The following ETV6 variants were observed in gnomAD, a reference collection of about 807,000 sequenced individuals.
ETV6 encodes ETS variant transcription factor 6.
A neutral mutation model predicts 51.1 loss-of-function variants in ETV6; 16 were observed. The ratio of observed to expected loss-of-function variants is 0.31; its 90% confidence interval spans 0.21 to 0.48. The LOEUF (loss-of-function observed/expected upper bound fraction) is 0.48, where lower values mean the gene tolerates loss of function less well. Among genes scored for constraint, ETV6 ranks in the 20% least tolerant of loss-of-function variants. ETV6 has a pLI of 0.99. For synonymous variants in ETV6, 240 were observed against 224.1 expected (o/e 1.07, Z -0.64); for missense variants, 458 against 594.8 (o/e 0.77, Z 2.39).
At chr12:11,853,796 G>A (rs778503184) in intron 4 of ETV6, among the ~76,000 whole-genome samples, 2 of 152,162 alleles carry the variant, frequency 1.3e-5, no homozygotes, top group African/African-American at 2.4e-5. Flanking sequence ...AGTAGGCACC[G>A]TAAAGGTGTG....
chr12:11,830,243 A>G lies in ETV6; in HGVS notation c.164-8897A>G, dbSNP rs566073136. Reference sequence around the variant, plus strand: ...CAGCTAGACCAGGCCTGCCATGAGAAGTTGAGTTTATGGTTTATTATTCCT... The same window carrying G: ...CAGCTAGACCAGGCCTGCCATGAGAGGTTGAGTTTATGGTTTATTATTCCT... On this transcript the variant is annotated intron_variant, in intron 2 of 7. Transcript: ENST00000396373. 3.9e-5 allele frequency among the ~76,000 whole-genome samples: 6 copies of G among 152,298 alleles called. No individual in the cohort carries two copies. The South Asian group carries it at 1.2e-3, about 32-fold the overall frequency.
At chr12:11,723,017 A>G (rs932686098) in intron 1 of ETV6, among the ~76,000 whole-genome samples, 5 of 152,222 alleles carry the variant, frequency 3.3e-5, no homozygotes, top group African/African-American at 1.2e-4. Context: ...GGTGAAACCA[A>G]TGAGAAGCTG....
chr12:11,838,713 C>T (rs894610467), intron 2 of ETV6, among the ~76,000 whole-genome samples: 4 of 152,178 alleles, frequency 2.6e-5, no homozygotes, highest in Non-Finnish European at 4.4e-5. Context: ...AATCTGAGGA[C>T]CCTCCAACCA....
At chr12:11,662,579 A>G (rs1565477204) in intron 1 of ETV6, among the ~76,000 whole-genome samples, 2 of 152,324 alleles carry the variant, frequency 1.3e-5, no homozygotes, top group African/African-American at 4.8e-5. Context: ...AAGGTTCACC[A>G]TGGAGGAGGT....
At chr12:11,812,319 T>A (rs567951714) in intron 2 of ETV6, among the ~76,000 whole-genome samples, 2 of 152,188 alleles carry the variant, frequency 1.3e-5, no homozygotes, top group Admixed American at 6.5e-5. Context: ...CTGTACTATG[T>A]GCTGTTACAC....
chr12:11,676,979 C>T (rs982822386), intron 1 of ETV6, among the ~76,000 whole-genome samples: 4 of 152,218 alleles, frequency 2.6e-5, no homozygotes, highest in East Asian at 3.8e-4. Flanking sequence ...TGTTGTTAGA[C>T]GTTTGCTTAT....
intron 5 of ETV6, among the ~76,000 whole-genome samples, chr12:11,875,321 T>A (rs1591741614): frequency 6.6e-6 from 1 of 152,136 alleles, no homozygotes; most frequent in Admixed American, 6.5e-5. Context: ...ATTGCTGGGG[T>A]CTTATTTTGA....
intron 1 of ETV6, among the ~76,000 whole-genome samples, chr12:11,736,484 G>A (rs1446412011): frequency 6.6e-6 from 1 of 152,178 alleles, no homozygotes; most frequent in African/African-American, 2.4e-5. Flanking sequence ...TACAAGAAAC[G>A]GCAATATACT....
intron 1 of ETV6, among the ~76,000 whole-genome samples, chr12:11,701,860 T>A (rs1478440686): frequency 6.6e-6 from 1 of 152,154 alleles, no homozygotes; most frequent in Non-Finnish European, 1.5e-5. Flanking sequence ...CAAACAGACC[T>A]TGAAGCTGTT....
At chr12:11,863,121 G>T (rs757920891) in intron 4 of ETV6, among the ~76,000 whole-genome samples, 6 of 152,180 alleles carry the variant, frequency 3.9e-5, no homozygotes, top group Non-Finnish European at 7.3e-5. Context: ...CTTGATCTTA[G>T]CCTTTGCTCT....
chr12:11,813,670 A>G (rs1003421684), intron 2 of ETV6, among the ~76,000 whole-genome samples: 1 of 149,480 alleles, frequency 6.7e-6, no homozygotes, highest in African/African-American at 2.5e-5. Context: ...ACTGACAACT[A>G]TAAATCCAGC....
intron 1 of ETV6, among the ~76,000 whole-genome samples, chr12:11,736,689 A>T (rs1865708076): frequency 6.6e-6 from 1 of 152,218 alleles, no homozygotes; most frequent in Non-Finnish European, 1.5e-5. Flanking sequence ...AGGCTTAAAC[A>T]CAAGTCACAG....
chr12:11,675,335 T>C (rs1480306883), intron 1 of ETV6, among the ~76,000 whole-genome samples: 1 of 152,248 alleles, frequency 6.6e-6, no homozygotes, highest in Non-Finnish European at 1.5e-5. Flanking sequence ...GGAAATCCTA[T>C]AGTTATCCTA....
At chr12:11,682,712 T>C (rs1864554338) in intron 1 of ETV6, among the ~76,000 whole-genome samples, 1 of 152,188 alleles carries the variant, frequency 6.6e-6, no homozygotes, top group South Asian at 2.1e-4. Flanking sequence ...TTTATGGACC[T>C]AAAACCATAA....
intron 1 of ETV6, among the ~76,000 whole-genome samples, chr12:11,727,936 C>T (rs962706978): frequency 6.6e-6 from 1 of 152,190 alleles, no homozygotes; most frequent in Admixed American, 6.5e-5. Context: ...TCTCCTGCCT[C>T]AGCCTCCCGA....
At chr12:11,672,502 G>A (rs991851224) in intron 1 of ETV6, among the ~76,000 whole-genome samples, 8 of 152,164 alleles carry the variant, frequency 5.3e-5, no homozygotes, top group Non-Finnish European at 8.8e-5. Flanking sequence ...ACACAACGAC[G>A]TAGCAATTAA....
intron 1 of ETV6, among the ~76,000 whole-genome samples, chr12:11,712,977 C>G (rs189249704): frequency 6.6e-6 from 1 of 152,228 alleles, no homozygotes; most frequent in Admixed American, 6.5e-5. Flanking sequence ...TCACTGTTAC[C>G]CTTTTCCTCC....
At chr12:11,883,829 T>C (rs76076322) in intron 5 of ETV6, among the ~76,000 whole-genome samples, 2,842 of 152,248 alleles carry the variant, frequency 0.019, 44 homozygotes, top group Admixed American at 0.025. Flanking sequence ...AGAATATCTG[T>C]ATCTCTTTTT....
intron 1 of ETV6, among the ~76,000 whole-genome samples, chr12:11,679,945 A>G (rs1017465830): frequency 6.6e-6 from 1 of 152,212 alleles, no homozygotes; most frequent in Non-Finnish European, 1.5e-5. Flanking sequence ...TTAGTTTGGC[A>G]TCATGGTCTA....
Sources: gnomAD v4.1 joint callset for allele counts (sites outside exome capture counted in the v4.1 genomes callset) on GRCh38, gnomAD v4.1.1 for gene constraint, MANE v1.5 for transcripts, NCBI Gene and HGNC (gene_info 2026-07-23, HGNC 2026-07-21) for gene names.